Variants in TMOD3 observed in about 807,000 individuals in gnomAD.
TMOD3 encodes the protein tropomodulin-3.
A neutral mutation model predicts 39.2 loss-of-function variants in TMOD3; 20 were observed. The observed-to-expected ratio is 0.51, with a 90% CI of 0.36 to 0.74. The LOEUF (loss-of-function observed/expected upper bound fraction) is 0.74. Among genes scored for constraint, TMOD3 ranks in the 30% least tolerant of loss-of-function variants. The pLI, the probability that TMOD3 is intolerant of heterozygous loss-of-function variation, is 0.00. For synonymous variants in TMOD3, 143 were observed against 145.8 expected (o/e 0.98, Z 0.14); for missense variants, 381 against 412.8 (o/e 0.92, Z 0.67).
intron 5 of TMOD3, 45 bp from the exon 6 acceptor site, chr15:51,893,770 A>T (rs1434163242): frequency 1.3e-5 from 19 of 1,463,336 alleles, no homozygotes; most frequent in Non-Finnish European, 1.6e-5. Flanking sequence ...GTCTCAAAAA[A>T]AAAAAAATGG....
intron 1 of TMOD3, among the ~76,000 whole-genome samples, chr15:51,834,660 A>G (rs892889244): frequency 5.3e-5 from 8 of 152,102 alleles, no homozygotes; most frequent in African/African-American, 1.9e-4. Flanking sequence ...ACAAAACCAC[A>G]TTTCTACTAA....
chr15:51,894,209 C>T (rs1156544369), intron 6 of TMOD3, among the ~76,000 whole-genome samples: 3 of 152,268 alleles, frequency 2.0e-5, no homozygotes, highest in East Asian at 3.9e-4. Flanking sequence ...TTTCTAAATA[C>T]TGCCCACTTC....
At chr15:51,904,174 T>C (rs1327947677) in intron 9 of TMOD3, among the ~76,000 whole-genome samples, 1 of 152,242 alleles carries the variant, frequency 6.6e-6, no homozygotes, top group Admixed American at 6.5e-5. Context: ...GAGTTCATCA[T>C]TGTTATACAT....
At chr15:51,885,284 C>CTTTTT (rs67378569) in intron 3 of TMOD3, among the ~76,000 whole-genome samples, 27 of 126,908 alleles carry the variant, frequency 2.1e-4, no homozygotes, top group African/African-American at 2.9e-4. Flanking sequence ...TTTCTTTTTT[C>CTTTTT]TTTTTTTTTT....
chr15:51,858,591 C>T (rs2056400148), intron 1 of TMOD3, among the ~76,000 whole-genome samples: 2 of 152,076 alleles, frequency 1.3e-5, no homozygotes, highest in Admixed American at 6.5e-5. Flanking sequence ...CCTGTGATTA[C>T]AGGATGTTTT....
chr15:51,877,522 A>T (rs1014569778), intron 3 of TMOD3, among the ~76,000 whole-genome samples: 1 of 152,228 alleles, frequency 6.6e-6, no homozygotes, highest in Non-Finnish European at 1.5e-5. Flanking sequence ...TACTAAAAAT[A>T]CAAAAAAATT....
At chr15:51,906,152 C>T (rs2056679602) in intron 9 of TMOD3, among the ~76,000 whole-genome samples, 1 of 151,838 alleles carries the variant, frequency 6.6e-6, no homozygotes. Flanking sequence ...GCGGCAGCAA[C>T]CTCTCATTCT....
chr15:51,845,514 T>A (rs2056331547), intron 1 of TMOD3, among the ~76,000 whole-genome samples: 1 of 152,168 alleles, frequency 6.6e-6, no homozygotes, highest in African/African-American at 2.4e-5. Flanking sequence ...TTCCGTACTT[T>A]GGGAGGCTGA....
At chr15:51,902,359 G>A (rs1357776158) in intron 9 of TMOD3, among the ~76,000 whole-genome samples, 1 of 152,212 alleles carries the variant, frequency 6.6e-6, no homozygotes, top group African/African-American at 2.4e-5. Flanking sequence ...TTATCGGAAA[G>A]TTTTTTGCCC....
chr15:51,896,546 A>C lies in TMOD3; in HGVS notation c.735+20A>C, dbSNP rs755492401. The C allele has an allele frequency of 7.6e-6, 12 of 1,577,962 alleles. No individual in the cohort carries two copies. The highest frequency in any genetic ancestry group is 5.4e-5 in the African/African-American group (4 of 74,086). ...GCTACTGTAAGTAAGCGACTTGAGAATATCAAAATTATGACATGCCCAGGG... is the reference window on the plus strand; with the variant it reads ...GCTACTGTAAGTAAGCGACTTGAGACTATCAAAATTATGACATGCCCAGGG... On this transcript the variant is annotated intron_variant, in intron 7 of 9. Transcript: ENST00000308580.
At chr15:51,858,949 G>A (rs369390343) in intron 1 of TMOD3, among the ~76,000 whole-genome samples, 3 of 152,152 alleles carry the variant, frequency 2.0e-5, no homozygotes, top group East Asian at 1.9e-4. Flanking sequence ...AGGCAGGAAG[G>A]TCACTTGAAT....
At chr15:51,897,482 A>ATTTTTTTTT (rs1167476019) in intron 7 of TMOD3, among the ~76,000 whole-genome samples, 1 of 113,084 alleles carries the variant, frequency 8.8e-6, no homozygotes, top group Non-Finnish European at 1.7e-5. Flanking sequence ...AAAAAAAAAA[A>ATTTTTTTTT]TTTTTTTTTT....
intron 3 of TMOD3, among the ~76,000 whole-genome samples, chr15:51,886,250 C>T (rs998101239): frequency 1.3e-4 from 20 of 152,158 alleles, no homozygotes; most frequent in African/African-American, 4.6e-4. Flanking sequence ...ACGCTCCTCA[C>T]TTCCCAGACG....
At chr15:51,865,957 C>T (rs987500049) in intron 2 of TMOD3, among the ~76,000 whole-genome samples, 14 of 151,732 alleles carry the variant, frequency 9.2e-5, no homozygotes, top group African/African-American at 3.4e-4. Flanking sequence ...TTTTTTTCCC[C>T]CCCAAGGCTA....
chr15:51,877,533 A>G (rs1239328719), intron 3 of TMOD3, among the ~76,000 whole-genome samples: 1 of 152,144 alleles, frequency 6.6e-6, no homozygotes, highest in Non-Finnish European at 1.5e-5. Flanking sequence ...CAAAAAAATT[A>G]GCTGGGTGTG....
chr15:51,899,150 A>G (rs566926998), intron 7 of TMOD3: 1 of 152,336 alleles, frequency 6.6e-6, no homozygotes, highest in Admixed American at 6.5e-5. Flanking sequence ...AAATTAGTAC[A>G]TAATTTACCC....
intron 9 of TMOD3, among the ~76,000 whole-genome samples, chr15:51,904,710 G>A (rs1239081253): frequency 1.3e-5 from 2 of 152,182 alleles, no homozygotes; most frequent in Non-Finnish European, 2.9e-5. Context: ...CACTTTGCCT[G>A]CATTTCTGTA....
Position 51,869,294 on chromosome 15 carries a change from T to C in TMOD3, c.204T>C (p.His68=). The part of the protein sequence containing the change: ...KSTTGPFDRE[H]LLSYLEKEAL... ...CCACAGGGCCATTTGATAGAGAGCA[T>C]CTCCTTTCATATCTGGAGAAAGAAG... The change falls in exon 3 of 10, where the codon CAT becomes CAC. Residue 68 remains histidine, a synonymous_variant. Transcript: ENST00000308580. 1 of 1,614,118 alleles carries C rather than the reference T, an allele frequency of 6.2e-7. No individual in the cohort carries two copies. Among genetic ancestry groups the C allele is most frequent in the Non-Finnish European group, 8.5e-7 (1 of 1,179,998 alleles).
chr15:51,897,980 TC>T (rs1430592718), intron 7 of TMOD3, among the ~76,000 whole-genome samples: 1 of 152,100 alleles, frequency 6.6e-6, no homozygotes, highest in Non-Finnish European at 1.5e-5. Flanking sequence ...TGGGTTACCT[TC>T]ATCTATTTTA....
Sources: allele counts gnomAD v4.1 joint callset (sites outside exome capture counted in the v4.1 genomes callset), GRCh38; gene constraint gnomAD v4.1.1; transcripts MANE v1.5; gene names NCBI Gene and HGNC (gene_info 2026-07-23, HGNC 2026-07-21).